The following ZNF827 variants were observed in gnomAD, a reference collection of about 807,000 sequenced individuals.
ZNF827 encodes zinc finger protein 827.
ZNF827 carries 13 observed loss-of-function variants against 102.4 expected under a neutral mutation model. The ratio of observed to expected loss-of-function variants is 0.13; its 90% CI spans 0.08 to 0.20. The LOEUF (loss-of-function observed/expected upper bound fraction) is 0.20. Ranked by LOEUF, ZNF827 falls within the 10% of genes least tolerant of loss-of-function variation. The pLI, the probability that ZNF827 is intolerant of heterozygous loss-of-function variation, is 1.00. For synonymous variants in ZNF827, 523 were observed against 536.2 expected, an observed-to-expected ratio of 0.98 and a Z score of 0.34; for missense variants, 1,103 against 1,344.4, an observed-to-expected ratio of 0.82 and a Z score of 2.81.
At chr4:145,784,277 A>G (rs754248582) in intron 8 of ZNF827, among the ~76,000 whole-genome samples, 38 of 152,322 alleles carry the variant, frequency 2.5e-4, no homozygotes, top group Non-Finnish European at 4.9e-4. Flanking sequence ...TAGCTGAGTG[A>G]ACGCCAGCAA....
chr4:145,859,432 T>A (rs2126707403), intron 5 of ZNF827, among the ~76,000 whole-genome samples: 1 of 151,872 alleles, frequency 6.6e-6, no homozygotes, highest in Admixed American at 6.6e-5. Context: ...AATAAGTGAG[T>A]CCCTGTTTTT....
chr4:145,911,593 A>G (rs1752299084), intron 1 of ZNF827, among the ~76,000 whole-genome samples: 1 of 152,194 alleles, frequency 6.6e-6, no homozygotes, highest in Non-Finnish European at 1.5e-5. Context: ...ATCAAAAACT[A>G]TTCATTATAC....
chr4:145,902,387 A>C lies in ZNF827; in HGVS notation c.872T>G (p.Leu291Arg), dbSNP rs766004875. 1 of 1,613,474 alleles carries C rather than the reference A, an allele frequency of 6.2e-7. No individual in the cohort carries two copies. Among genetic ancestry groups the C allele is most frequent in the Non-Finnish European group, 8.5e-7 (1 of 1,179,576 alleles). The change falls in exon 2 of 15, where the codon CTG (leucine) becomes CGG (arginine). Residue 291 changes from leucine (L) to arginine (R), a missense_variant. Physicochemically the swap from Leu to Arg is moderately radical, Grantham distance 102. This residue lies in a region of ZNF827 where 441 missense variants were observed against 458.6 expected (regional missense o/e 0.96). Coordinates refer to ENST00000508784, the MANE Select transcript of ZNF827 (RefSeq NM_001306215.2). The surrounding 1 kb of genome is among the most constrained non-coding windows in gnomAD (Gnocchi z 4.3). ...CGCAGCCCTTGCGGCCACCTCCTTC[A>C]GAAGGGCCGCTGAGGAGGTCATAGA... Reference protein sequence around the residue: ...LASMTSSAALLKEVAARAAGS... With the variant: ...LASMTSSAALRKEVAARAAGS...
intron 7 of ZNF827, among the ~76,000 whole-genome samples, chr4:145,843,704 C>T (rs1579349224): frequency 1.3e-5 from 2 of 152,188 alleles, no homozygotes; most frequent in African/African-American, 4.8e-5. Context: ...CACGAATGCA[C>T]CTACCCCGGA....
At chr4:145,901,255 C>T (rs1751385889) in intron 2 of ZNF827, among the ~76,000 whole-genome samples, 1 of 152,236 alleles carries the variant, frequency 6.6e-6, no homozygotes, top group Non-Finnish European at 1.5e-5. Flanking sequence ...CTGCTCCAGT[C>T]TGGCAGGATA....
intron 8 of ZNF827, among the ~76,000 whole-genome samples, chr4:145,787,814 G>C (rs1739105747): frequency 6.6e-6 from 1 of 152,030 alleles, no homozygotes. Flanking sequence ...TCATTTTCAG[G>C]AGGGCAAAAA....
At chr4:145,913,050 T>G (rs999222226) in intron 1 of ZNF827, among the ~76,000 whole-genome samples, 1 of 152,210 alleles carries the variant, frequency 6.6e-6, no homozygotes, top group African/African-American at 2.4e-5. Flanking sequence ...TGTTAAGTCC[T>G]GTGAGGCTGG....
intron 1 of ZNF827, among the ~76,000 whole-genome samples, chr4:145,904,842 G>T (rs1318529249): frequency 6.6e-6 from 1 of 152,224 alleles, no homozygotes; most frequent in Admixed American, 6.5e-5. Context: ...CCACTGGAGG[G>T]TTTGTGGCAA....
intron 5 of ZNF827, among the ~76,000 whole-genome samples, chr4:145,851,141 C>G (rs1746488574): frequency 6.6e-6 from 1 of 152,224 alleles, no homozygotes; most frequent in African/African-American, 2.4e-5. Flanking sequence ...CCTAGAGCCT[C>G]TGGAAGGAGT....
At chr4:145,844,518 A>T (rs1745729019) in intron 7 of ZNF827, among the ~76,000 whole-genome samples, 1 of 151,542 alleles carries the variant, frequency 6.6e-6, no homozygotes, top group Admixed American at 6.6e-5. Context: ...TGTCTTTACA[A>T]AAAATACAAA....
At chr4:145,893,855 C>T (rs1268560119) in intron 2 of ZNF827, among the ~76,000 whole-genome samples, 1 of 151,488 alleles carries the variant, frequency 6.6e-6, no homozygotes, top group Admixed American at 6.6e-5. Context: ...GTGAATTCCT[C>T]AAGACAAACG....
At chr4:145,799,591 C>T (rs563996210) in intron 8 of ZNF827, among the ~76,000 whole-genome samples, 2 of 152,114 alleles carry the variant, frequency 1.3e-5, no homozygotes, top group Admixed American at 1.3e-4. Flanking sequence ...GCAGAGACTG[C>T]TAGCTGCCCT....
At chr4:145,804,926 A>C (rs1337998216) in intron 8 of ZNF827, among the ~76,000 whole-genome samples, 1 of 152,204 alleles carries the variant, frequency 6.6e-6, no homozygotes, top group Non-Finnish European at 1.5e-5. Context: ...ATATAATTTG[A>C]TATAACATTT....
chr4:145,823,377 C>T (rs1253541778), intron 8 of ZNF827, 45 bp downstream of exon 8: 2 of 1,490,856 alleles, frequency 1.3e-6, no homozygotes, highest in Admixed American at 1.7e-5. Flanking sequence ...AAAAGTAATT[C>T]TTAAGCAATC....
intron 8 of ZNF827, among the ~76,000 whole-genome samples, chr4:145,809,188 T>G (rs1173933909): frequency 6.6e-6 from 1 of 152,252 alleles, no homozygotes; most frequent in Non-Finnish European, 1.5e-5. Context: ...CCAGAGAGAG[T>G]TGGTGTCAAG....
At chr4:145,897,473 T>C (rs1751070615) in intron 2 of ZNF827, among the ~76,000 whole-genome samples, 1 of 152,214 alleles carries the variant, frequency 6.6e-6, no homozygotes, top group South Asian at 2.1e-4. Flanking sequence ...CTGTGCATTA[T>C]TACGGTCTCC....
intron 1 of ZNF827, among the ~76,000 whole-genome samples, chr4:145,910,226 A>G (rs912139790): frequency 6.6e-6 from 1 of 152,202 alleles, no homozygotes; most frequent in Non-Finnish European, 1.5e-5. Flanking sequence ...GACCGTGAGT[A>G]AAATAAAGGT....
At chr4:145,910,293 A>G (rs1253162706) in intron 1 of ZNF827, among the ~76,000 whole-genome samples, 1 of 152,184 alleles carries the variant, frequency 6.6e-6, no homozygotes, top group Admixed American at 6.5e-5. Context: ...TAGCTAAGTC[A>G]GTTTCAGTAT....
intron 5 of ZNF827, among the ~76,000 whole-genome samples, chr4:145,857,423 C>G (rs183916867): frequency 6.6e-6 from 1 of 152,132 alleles, no homozygotes; most frequent in Non-Finnish European, 1.5e-5. Context: ...TTTACTCTTA[C>G]GTAGATTTTT....
Sources: allele counts gnomAD v4.1 joint callset (sites outside exome capture counted in the v4.1 genomes callset), GRCh38; gene constraint gnomAD v4.1.1; regional missense constraint gnomAD v4.1.1; non-coding constraint Gnocchi (gnomAD v3.1); transcripts MANE v1.5; gene names NCBI Gene and HGNC (gene_info 2026-07-23, HGNC 2026-07-21).